Variants in ERC2 observed in about 807,000 individuals in gnomAD.
ERC2 encodes the protein ERC protein 2.
A neutral mutation model predicts 114.8 loss-of-function variants in ERC2; 42 were observed. The ratio of observed to expected loss-of-function variants is 0.37; its 90% CI spans 0.29 to 0.47. The LOEUF (loss-of-function observed/expected upper bound fraction) is 0.47, where lower values mean the gene tolerates loss of function less well. ERC2 is among the 20% of genes least tolerant of loss of function. ERC2 has a pLI of 0.99. For missense variants in ERC2, 939 were observed against 1,150.7 expected (o/e 0.82, Z 2.66); for synonymous variants, 454 against 425.5 (o/e 1.07, Z -0.82).
intron 2 of ERC2, among the ~76,000 whole-genome samples, chr3:56,321,102 C>T (rs1251182493): frequency 6.6e-6 from 1 of 152,090 alleles, no homozygotes; most frequent in Non-Finnish European, 1.5e-5. Flanking sequence ...GACACAAAAG[C>T]GTAATCCCAC....
chr3:55,891,082 G>T (rs1216081607), intron 13 of ERC2, among the ~76,000 whole-genome samples: 3 of 152,200 alleles, frequency 2.0e-5, no homozygotes, highest in South Asian at 2.1e-4. Context: ...CATTAGGGTG[G>T]TTTCACAATA....
intron 3 of ERC2, among the ~76,000 whole-genome samples, chr3:56,263,039 C>T (rs901197187): frequency 2.0e-5 from 3 of 152,166 alleles, no homozygotes; most frequent in Non-Finnish European, 4.4e-5. Context: ...AATACTAGCC[C>T]ATTTCCATTC....
intron 3 of ERC2, among the ~76,000 whole-genome samples, chr3:56,252,151 G>T (rs997368029): frequency 6.6e-6 from 1 of 152,164 alleles, no homozygotes; most frequent in Admixed American, 6.5e-5. Flanking sequence ...TTCATGCTAA[G>T]TGCCTATTAG....
At chr3:56,240,592 T>C (rs2051260989) in intron 3 of ERC2, among the ~76,000 whole-genome samples, 1 of 152,172 alleles carries the variant, frequency 6.6e-6, no homozygotes, top group Non-Finnish European at 1.5e-5. Context: ...ATAAGAAGCA[T>C]CTTAATTTAT....
intron 4 of ERC2, among the ~76,000 whole-genome samples, chr3:56,170,660 G>A (rs545246851): frequency 6.8e-6 from 1 of 146,900 alleles, no homozygotes; most frequent in South Asian, 2.2e-4. Context: ...GCAGTGGCGA[G>A]ATCTTGGCTC....
intron 14 of ERC2, among the ~76,000 whole-genome samples, chr3:55,794,192 T>A (rs987888612): frequency 2.0e-5 from 3 of 152,218 alleles, no homozygotes; most frequent in African/African-American, 7.2e-5. Flanking sequence ...CCATTATCTA[T>A]AGAAAATCAC....
At chr3:55,709,316 G>A (rs1472274442) in intron 15 of ERC2, among the ~76,000 whole-genome samples, 1 of 152,060 alleles carries the variant, frequency 6.6e-6, no homozygotes, top group Non-Finnish European at 1.5e-5. Flanking sequence ...ATAATTCACA[G>A]GGAGTAAATG....
intron 17 of ERC2, among the ~76,000 whole-genome samples, chr3:55,543,102 C>T (rs151200578): frequency 9.2e-5 from 14 of 152,290 alleles, no homozygotes; most frequent in South Asian, 6.2e-4. Flanking sequence ...TTCCTGCACC[C>T]GCTGTGTTTA....
intron 3 of ERC2, among the ~76,000 whole-genome samples, chr3:56,251,454 C>T (rs938473467): frequency 6.6e-6 from 1 of 152,104 alleles, no homozygotes; most frequent in African/African-American, 2.4e-5. Flanking sequence ...GATCTGCACT[C>T]TCCTGGTACA....
intron 3 of ERC2, among the ~76,000 whole-genome samples, chr3:56,206,945 T>G (rs972267337): frequency 6.6e-6 from 1 of 152,202 alleles, no homozygotes; most frequent in Non-Finnish European, 1.5e-5. Flanking sequence ...CTGCAATATA[T>G]AATTTCTCCC....
chr3:55,699,566 A>G, intron 15 of ERC2, 54 bp from the exon 16 acceptor site: 1 of 1,555,864 alleles, frequency 6.4e-7, no homozygotes, highest in Non-Finnish European at 8.7e-7. Flanking sequence ...AGATCAGTCA[A>G]AGAGATTCAG....
intron 3 of ERC2, among the ~76,000 whole-genome samples, chr3:56,224,594 G>GA (rs1475085288): frequency 6.6e-6 from 1 of 152,094 alleles, no homozygotes; most frequent in Non-Finnish European, 1.5e-5. Context: ...GAGCAACTCT[G>GA]AAATTATTAT....
intron 15 of ERC2, among the ~76,000 whole-genome samples, chr3:55,729,898 AT>A (rs1246273679): frequency 1.4e-5 from 2 of 141,288 alleles, no homozygotes; most frequent in African/African-American, 2.6e-5. Context: ...GTCTTTATGT[AT>A]TTTGGTCACT....
At chr3:56,103,853 C>T (rs1018510589) in intron 6 of ERC2, among the ~76,000 whole-genome samples, 1 of 151,722 alleles carries the variant, frequency 6.6e-6, no homozygotes, top group Non-Finnish European at 1.5e-5. Context: ...CCTACAAGAC[C>T]TTGGTGTCAA....
intron 3 of ERC2, among the ~76,000 whole-genome samples, chr3:56,210,038 C>A (rs958978922): frequency 3.9e-5 from 6 of 152,116 alleles, no homozygotes; most frequent in Admixed American, 3.9e-4. Flanking sequence ...TTCCCAATAT[C>A]ATCAGTGGGA....
At chr3:55,901,569 A>G (rs1383194847) in intron 13 of ERC2, among the ~76,000 whole-genome samples, 3 of 152,158 alleles carry the variant, frequency 2.0e-5, no homozygotes, top group Non-Finnish European at 4.4e-5. Context: ...CTCACATCAA[A>G]TCCATCTCAT....
chr3:55,699,455 G>A lies in ERC2; in HGVS notation c.2770C>T (p.His924Tyr). 6.2e-7 allele frequency: 1 copy of A among 1,613,656 alleles called. No individual in the cohort carries two copies. The highest frequency in any genetic ancestry group is 8.5e-7 in the Non-Finnish European group (1 of 1,179,754). ...TGGTGGTGGTGATGGTGGTGGTGGTGGTAATGGTGATGGTCATCATCATAG... is the reference window on the plus strand; with the variant it reads ...TGGTGGTGGTGATGGTGGTGGTGGTAGTAATGGTGATGGTCATCATCATAG... ...DNYDDDHHHY[H>Y]HHHHHHHHRS... Residue 924 changes from histidine (H) to tyrosine (Y), a missense_variant, in exon 16 of 18, where the codon CAC (histidine) becomes TAC (tyrosine). His to Tyr is a moderately conservative substitution (Grantham distance 83). Around this residue, in one of 5 missense-constraint regions of ERC2, gnomAD observed 328 missense variants for 353.9 expected, o/e 0.93. Coordinates refer to ENST00000288221, the MANE Select transcript of ERC2 (RefSeq NM_015576.3).
chr3:56,018,784 G>T lies in ERC2; in HGVS notation c.1779+110C>A, dbSNP rs534603788. The T allele has an allele frequency of 4.9e-5, 60 of 1,216,964 alleles. No individual in the cohort carries two copies. In the East Asian group the frequency reaches 1.4e-3, roughly 29 times the overall value. 75.4% of individuals were successfully genotyped at this position (1,216,964 alleles called of 1,614,324 possible). A position where few individuals can be genotyped will look rare whatever the true frequency, so the allele number is the denominator to read the frequency against. On this transcript the variant is annotated intron_variant, in intron 8 of 17. Coordinates refer to ENST00000288221, the MANE Select transcript of ERC2 (RefSeq NM_015576.3). ...GAACAAGGACCAGCTGGGACTAAAG[G>T]TAGTGTTAGCAAAAGAAGAAAAGCA...
intron 17 of ERC2, among the ~76,000 whole-genome samples, chr3:55,558,834 G>T (rs1163826975): frequency 2.0e-5 from 3 of 152,112 alleles, no homozygotes; most frequent in Admixed American, 1.3e-4. Flanking sequence ...ATAGATCTAG[G>T]GGTAAACAGT....
Sources: gnomAD v4.1 joint callset for allele counts (sites outside exome capture counted in the v4.1 genomes callset) on GRCh38, gnomAD v4.1.1 for gene constraint, gnomAD v4.1.1 regional missense constraint, MANE v1.5 for transcripts, NCBI Gene and HGNC (gene_info 2026-07-23, HGNC 2026-07-21) for gene names.